The following ARMC5 variants were observed in gnomAD, a reference collection of about 807,000 sequenced individuals.
ARMC5 encodes armadillo repeat containing 5, also known as armadillo repeat-containing protein 5.
ARMC5 carries 28 observed loss-of-function variants against 60.5 expected under a neutral mutation model. The ratio of observed to expected loss-of-function variants is 0.46; its 90% CI spans 0.34 to 0.63. The LOEUF is 0.63. ARMC5 is among the 30% of genes least tolerant of loss of function. The pLI is 0.01. For missense variants in ARMC5, 1,189 were observed against 1,304.9 expected, an observed-to-expected ratio of 0.91 and a Z score of 1.37; for synonymous variants, 680 against 607.3, an observed-to-expected ratio of 1.12 and a Z score of -1.76.
In ARMC5 at chr16:31,459,633, G is replaced by A. The variant is rs2082281920; in HGVS notation, c.109G>A (p.Glu37Lys). The A allele has an allele frequency of 7.5e-6, 12 of 1,596,986 alleles. No individual in the cohort carries two copies. The highest frequency in any genetic ancestry group is 1.7e-5 in the Admixed American group (1 of 59,114). Residue 37 changes from glutamate (E) to lysine (K), a missense_variant, in exon 1 of 6, where the codon GAG (glutamate) becomes AAG (lysine). By Grantham distance (56) the Glu-to-Lys change is moderately conservative (BLOSUM62 1). Coordinates refer to ENST00000268314, the MANE Select transcript of ARMC5 (RefSeq NM_001105247.2). The part of the protein sequence containing the change: ...LGGEKDPATN[E>K]TPLSRALLAL... ...TGGGGAAAAGGACCCAGCGACCAAC[G>A]AGACACCCCTGAGCCGCGCGCTCCT...
rs2082286751 is a variant in ARMC5 at position 31,459,849 on chromosome 16, C to T, written c.325C>T (p.Pro109Ser). The stretch of plus-strand genomic sequence containing the variant: ...TTCTAGCCCCGCCCCCGCGTCGGGC[C>T]CCGCCCCCTCCGCTGTGTCGTCGTC... ...GASSPAPASG[P>S]APSAVSSSSP... Residue 109 changes from proline (P) to serine (S), a missense_variant, in exon 1 of 6, where the codon CCC becomes TCC. Transcript: ENST00000268314. 6.3e-7 allele frequency: 1 copy of T among 1,585,042 alleles called. No homozygotes were observed. The highest frequency in any genetic ancestry group is 8.5e-7 in the Non-Finnish European group (1 of 1,171,638).
chr16:31,461,819 T>A (rs1596601988), intron 1 of ARMC5, 103 bp from the exon 2 acceptor site: 1 of 1,055,466 alleles, frequency 9.5e-7, no homozygotes, highest in Non-Finnish European at 1.4e-6. Flanking sequence ...ACCATTAGCC[T>A]CTTCTGAAAG....
intron 4 of ARMC5, chr16:31,465,572 T>C (rs1567378255): frequency 1.9e-5 from 24 of 1,249,526 alleles, no homozygotes; most frequent in Non-Finnish European, 2.2e-5. Context: ...TATTGTATTA[T>C]ACTGGAACAG....
intron 4 of ARMC5, chr16:31,465,138 G>T: frequency 1.9e-6 from 3 of 1,613,528 alleles, no homozygotes; most frequent in South Asian, 1.1e-5. Flanking sequence ...GCAGCCCCGC[G>T]CCCAGGATCT....
Position 31,462,316 on chromosome 16 carries a change from G to C in ARMC5, c.769G>C (p.Ala257Pro), listed in dbSNP as rs370134666. Residue 257 changes from alanine (A) to proline (P), a missense_variant, in exon 3 of 6, where the codon GCC (alanine) becomes CCC (proline). Transcript: ENST00000268314. The surrounding 1 kb of genome is among the most constrained non-coding windows in gnomAD (Gnocchi z 7.2). ...TGCCCCAGATGCTGCACTGACCTTA[G>C]CCCTCGTCCGTGCCCTCCTGGAACT... ...ATAPDAALTL[A>P]LVRALLELSR... The C allele has an allele frequency of 1.2e-6, 2 of 1,610,446 alleles. No homozygotes were observed. Among genetic ancestry groups the C allele is most frequent in the African/African-American group, 2.7e-5 (2 of 74,924 alleles).
At position 31,464,315 on chromosome 16, in the gene ARMC5, A is replaced by T; in HGVS notation, c.1371-79A>T. 1 of 1,006,814 alleles carries T rather than the reference A, an allele frequency of 9.9e-7. No homozygotes were observed. The highest frequency in any genetic ancestry group is 1.4e-6 in the Non-Finnish European group (1 of 739,450). 62.4% of individuals were successfully genotyped at this position (1,006,814 alleles called of 1,614,324 possible). A position where few individuals can be genotyped will look rare whatever the true frequency, so the allele number is the denominator to read the frequency against. On this transcript the variant is annotated intron_variant, in intron 3 of 5. Transcript: ENST00000268314. This position sits in a 1 kb window ranked among gnomAD's most constrained non-coding sequence, Gnocchi z 7.6. The stretch of plus-strand genomic sequence containing the variant: ...TTTAAAAAAAAAAAAAAAAAAAAAA[A>T]AGACGCCTCACGCCTCTTGGACTCT...
In ARMC5 at chr16:31,462,775, C is replaced by T; in HGVS notation, c.1228C>T (p.Leu410=). ...TGGGGCCCTGGGCCGGCTGCAGGCT[C>T]TGGGACTTGTGCCTCTCCTGGCTGG... ...DTGALGRLQA[L]GLVPLLAGQL... Residue 410 remains leucine (L), a synonymous_variant, in exon 3 of 6, where the codon CTG becomes TTG. Transcript: ENST00000268314. The surrounding 1 kb of genome is among the most constrained non-coding windows in gnomAD (Gnocchi z 7.2). 1 of 1,613,986 alleles carries T rather than the reference C, an allele frequency of 6.2e-7. No homozygotes were observed. The highest frequency in any genetic ancestry group is 8.5e-7 in the Non-Finnish European group (1 of 1,180,026).
chr16:31,462,093 C>A lies in ARMC5; in HGVS notation c.584-38C>A. Reference sequence around the variant, plus strand: ...GCAGAAGAAAGGCTTGAGTGTCTGTCCTTGTTCACCCTCTGTGCTCCCCTT... The same window carrying A: ...GCAGAAGAAAGGCTTGAGTGTCTGTACTTGTTCACCCTCTGTGCTCCCCTT... On this transcript the variant is annotated intron_variant, in intron 2 of 5. Coordinates refer to ENST00000268314, the MANE Select transcript of ARMC5 (RefSeq NM_001105247.2). This position sits in a 1 kb window ranked among gnomAD's most constrained non-coding sequence, Gnocchi z 7.2. The A allele has an allele frequency of 6.2e-7, 1 of 1,612,978 alleles. No individual in the cohort carries two copies. Among genetic ancestry groups the A allele is most frequent in the Non-Finnish European group, 8.5e-7 (1 of 1,179,276 alleles).
In ARMC5 at chr16:31,462,797, C is replaced by T. The variant is rs767700230; in HGVS notation, c.1250C>T (p.Ala417Val). Residue 417 changes from alanine to valine, a missense_variant, in exon 3 of 6, where the codon GCT becomes GTT. Around this residue, in one of 2 missense-constraint regions of ARMC5, gnomAD observed 862 missense variants for 1,071.2 expected, o/e 0.80. Coordinates refer to ENST00000268314, the MANE Select transcript of ARMC5 (RefSeq NM_001105247.2). The surrounding 1 kb of genome is among the most constrained non-coding windows in gnomAD (Gnocchi z 7.2). Reference sequence around the variant, plus strand: ...GCTCTGGGACTTGTGCCTCTCCTGGCTGGGCAGCTGTGTGGTGAGGCTGGT... The same window carrying T: ...GCTCTGGGACTTGTGCCTCTCCTGGTTGGGCAGCTGTGTGGTGAGGCTGGT... ...LQALGLVPLL[A>V]GQLCGEAGEE... 3 of 1,613,904 alleles carry T rather than the reference C, an allele frequency of 1.9e-6. No individual in the cohort carries two copies. The highest frequency in any genetic ancestry group is 2.2e-5 in the East Asian group (1 of 44,888).
Position 31,460,042 on chromosome 16 carries a change from A to C in ARMC5, c.475+43A>C, listed in dbSNP as rs188759221. On this transcript the variant is annotated intron_variant, in intron 1 of 5. Transcript: ENST00000268314. ...GTTTCCTAGAAAGATTAGGTTTGCA[A>C]CTCCCTTGCTCTCTAGACCCGGGCA... The C allele has an allele frequency of 6.7e-4, 1,060 of 1,584,674 alleles. 9 individuals are homozygous for C. In the African/African-American group the frequency reaches 0.013, roughly 19 times the overall value.
At chr16:31,458,634 T>A, upstream of ARMC5, 1 of 1,441,130 alleles carries the variant, frequency 6.9e-7, no homozygotes, top group Non-Finnish European at 9.2e-7. Flanking sequence ...GGCTTCTTCC[T>A]CCCCAGGGCT....
At chr16:31,459,338 A>C, upstream of ARMC5, 1 of 1,535,332 alleles carries the variant, frequency 6.5e-7, no homozygotes, top group African/African-American at 1.4e-5. Flanking sequence ...CGCTGCGATT[A>C]AGGTACTGCC....
rs1452232063 is a variant in ARMC5, at chr16:31,466,984, T to C, written c.*95T>C. 1.1e-5 allele frequency: 15 copies of C among 1,364,312 alleles called. No homozygotes were observed. Among genetic ancestry groups the C allele is most frequent in the Non-Finnish European group, 1.4e-5 (15 of 1,046,900 alleles). The allele number at this position is 1,364,312 out of a possible 1,614,324, so 84.5% of individuals were successfully genotyped here. On this transcript the variant is annotated 3_prime_UTR_variant, in exon 6 of 6. Coordinates refer to ENST00000268314, the MANE Select transcript of ARMC5 (RefSeq NM_001105247.2). The surrounding 1 kb of genome is among the most constrained non-coding windows in gnomAD (Gnocchi z 8.0). ...AAGGGAGGAGGCTGAGCAGAAGGAG[T>C]CATCATGGAGGAGCGGTGAGAACAT... is the stretch of plus-strand genomic sequence containing the variant.
upstream of ARMC5, chr16:31,458,508 C>A (rs949140073): frequency 5.2e-6 from 8 of 1,535,488 alleles, no homozygotes; most frequent in African/African-American, 1.4e-5. Context: ...AACGGTAAGG[C>A]TTGTCACCAG....
rs1228826011 is a variant in ARMC5, at chr16:31,462,205, C to G, written c.658C>G (p.Leu220Val). The G allele has an allele frequency of 5.0e-6, 8 of 1,611,460 alleles. No individual in the cohort carries two copies. Among genetic ancestry groups the G allele is most frequent in the Non-Finnish European group, 6.8e-6 (8 of 1,180,016 alleles). The change falls in exon 3 of 6, where the codon CTC becomes GTC. Residue 220 changes from leucine (L) to valine (V), a missense_variant. Transcript: ENST00000268314. This position sits in a 1 kb window ranked among gnomAD's most constrained non-coding sequence, Gnocchi z 7.2. ...SQCLQSVVRA[L>V]RNLADSPQHR... ...GTGCCTACAGAGCGTGGTGCGTGCC[C>G]TCCGTAACCTGGCAGACTCACCCCA... is the stretch of plus-strand genomic sequence containing the variant.
At chr16:31,459,181 A>C, upstream of ARMC5, 1 of 1,518,950 alleles carries the variant, frequency 6.6e-7, no homozygotes, top group Non-Finnish European at 8.8e-7. Context: ...CACGGCACGA[A>C]GGCTCCGTGG....
At chr16:31,461,480 C>T (rs568637020) in intron 1 of ARMC5, among the ~76,000 whole-genome samples, 1 of 152,264 alleles carries the variant, frequency 6.6e-6, no homozygotes, top group African/African-American at 2.4e-5. Flanking sequence ...CCTGTGTACC[C>T]CTCCAGACCC....
At chr16:31,465,444 A>G (rs990627128) in intron 4 of ARMC5, 4 of 993,616 alleles carry the variant, frequency 4.0e-6, no homozygotes, top group Admixed American at 3.5e-5. Flanking sequence ...TTCCCAGGTT[A>G]TGATTATAGA....
In ARMC5 at chr16:31,466,384, C is replaced by T. The variant is rs2082359518; in HGVS notation, c.2303C>T (p.Ala768Val). The change falls in exon 6 of 6, where the codon GCC becomes GTC. Residue 768 changes from alanine (A) to valine (V), a missense_variant. Ala to Val is a moderately conservative substitution (Grantham distance 64). Coordinates refer to ENST00000268314, the MANE Select transcript of ARMC5 (RefSeq NM_001105247.2). The surrounding 1 kb of genome is among the most constrained non-coding windows in gnomAD (Gnocchi z 8.0). ...LQLPAQRAAS[A>V]TASPFFRALL... ...CTCCCTGCCCAGCGAGCGGCCTCAG[C>T]CACCGCCTCCCCTTTCTTCCGGGCC... 2 of 1,612,524 alleles carry T rather than the reference C, an allele frequency of 1.2e-6. No homozygotes were observed. Among genetic ancestry groups the T allele is most frequent in the East Asian group, 2.2e-5 (1 of 44,900 alleles).
Sources: allele counts gnomAD v4.1 joint callset (sites outside exome capture counted in the v4.1 genomes callset), GRCh38; gene constraint gnomAD v4.1.1; regional missense constraint gnomAD v4.1.1; non-coding constraint Gnocchi (gnomAD v3.1); transcripts MANE v1.5; gene names NCBI Gene and HGNC (gene_info 2026-07-23, HGNC 2026-07-21).